ACOXL: variants seen among roughly 807,000 people sequenced by gnomAD.
ACOXL encodes the protein acyl-CoA oxidase like.
In ACOXL, 70 loss-of-function variants were observed where a neutral mutation model predicts 71.9. That is an observed-to-expected ratio of 0.97 (90% confidence interval 0.80 to 1.19). The LOEUF is 1.19. Ranked by LOEUF, ACOXL falls within the 50% of genes most tolerant of loss-of-function variation. The probability of loss-of-function intolerance (pLI) is 0.00; values close to 1 mark genes in which losing one functional copy is unlikely to be tolerated. For synonymous variants in ACOXL, 253 were observed against 281.6 expected (o/e 0.90, Z 1.02); for missense variants, 703 against 736.3 (o/e 0.95, Z 0.52).
chr2:110,874,883 A>G (rs1695713787), intron 10 of ACOXL, among the ~76,000 whole-genome samples: 1 of 152,120 alleles, frequency 6.6e-6, no homozygotes, highest in Admixed American at 6.5e-5. Context: ...TTTATGAAAC[A>G]CGTGCTTCAG....
At chr2:110,898,540 T>A (rs1401778526) in intron 10 of ACOXL, among the ~76,000 whole-genome samples, 1 of 152,200 alleles carries the variant, frequency 6.6e-6, no homozygotes, top group Admixed American at 6.5e-5. Flanking sequence ...AAATTCAGTA[T>A]ACATTCATGT....
intron 16 of ACOXL, among the ~76,000 whole-genome samples, chr2:111,066,544 TAAAA>T (rs986343011): frequency 3.3e-5 from 5 of 152,162 alleles, no homozygotes; most frequent in Non-Finnish European, 7.4e-5. Context: ...CGAAACTGGG[TAAAA>T]GATACCCAAC....
chr2:110,891,830 CAG>C (rs1056728371), intron 10 of ACOXL, among the ~76,000 whole-genome samples: 3 of 151,882 alleles, frequency 2.0e-5, no homozygotes, highest in African/African-American at 7.3e-5. Flanking sequence ...CAGTCCATGA[CAG>C]GGGTGGTACA....
At chr2:111,117,248 A>G (rs1451808262) in intron 17 of ACOXL, among the ~76,000 whole-genome samples, 2 of 152,158 alleles carry the variant, frequency 1.3e-5, no homozygotes, top group Non-Finnish European at 2.9e-5. Context: ...AGGGGAGGCA[A>G]AGAGAGAGGA....
chr2:110,781,258 T>G (rs1422817767), intron 2 of ACOXL, among the ~76,000 whole-genome samples: 2 of 152,138 alleles, frequency 1.3e-5, no homozygotes, highest in African/African-American at 4.8e-5. Flanking sequence ...TCATGGTGCC[T>G]GATATTTGGG....
chr2:110,932,876 A>G (rs1431633036), intron 11 of ACOXL, among the ~76,000 whole-genome samples: 1 of 152,168 alleles, frequency 6.6e-6, no homozygotes, highest in African/African-American at 2.4e-5. Flanking sequence ...GTGGAGACTC[A>G]TGGTTGCACG....
chr2:110,889,010 T>A (rs1464587912), intron 10 of ACOXL, among the ~76,000 whole-genome samples: 2 of 152,220 alleles, frequency 1.3e-5, no homozygotes, highest in East Asian at 3.8e-4. Flanking sequence ...GTTCAAGAAA[T>A]TAGTTTAATA....
intron 10 of ACOXL, among the ~76,000 whole-genome samples, chr2:110,851,195 G>A (rs1045327028): frequency 1.3e-5 from 2 of 152,172 alleles, no homozygotes; most frequent in African/African-American, 4.8e-5. Context: ...TGACACGACT[G>A]TATATATTTT....
chr2:110,854,374 C>A (rs2148946198), intron 10 of ACOXL, among the ~76,000 whole-genome samples: 1 of 152,284 alleles, frequency 6.6e-6, no homozygotes, highest in East Asian at 1.9e-4. Context: ...GGAGGTTCCA[C>A]ACCAGGTGGA....
intron 14 of ACOXL, among the ~76,000 whole-genome samples, chr2:110,999,553 T>G (rs769327385): frequency 3.3e-5 from 5 of 152,164 alleles, no homozygotes; most frequent in Admixed American, 6.5e-5. Flanking sequence ...CTCCTGATAG[T>G]CACAGCCTTG....
chr2:110,886,654 C>A, intron 10 of ACOXL: 1 of 1,230,782 alleles, frequency 8.1e-7, no homozygotes, highest in Non-Finnish European at 1.1e-6. Flanking sequence ...GCTGGGATTA[C>A]AGGCTTGAGC....
chr2:110,820,367 A>G (rs1158689221), intron 9 of ACOXL, among the ~76,000 whole-genome samples: 2 of 152,194 alleles, frequency 1.3e-5, no homozygotes, highest in African/African-American at 4.8e-5. Flanking sequence ...GACATTAAAC[A>G]TAGGTGGAGA....
chr2:111,039,981 C>G (rs1215309937), intron 15 of ACOXL, among the ~76,000 whole-genome samples: 3 of 152,224 alleles, frequency 2.0e-5, no homozygotes, highest in Non-Finnish European at 4.4e-5. Flanking sequence ...ATCAGAGTTC[C>G]TTGCCTTGTG....
intron 11 of ACOXL, among the ~76,000 whole-genome samples, chr2:110,916,407 A>G (rs1236111932): frequency 6.6e-6 from 1 of 152,166 alleles, no homozygotes; most frequent in Non-Finnish European, 1.5e-5. Flanking sequence ...ACACAGCTAT[A>G]GCAATGTTTA....
chr2:111,085,386 A>G (rs1345681064), intron 16 of ACOXL, among the ~76,000 whole-genome samples: 2 of 152,214 alleles, frequency 1.3e-5, no homozygotes, highest in Non-Finnish European at 2.9e-5. Flanking sequence ...ATGCTCTTGG[A>G]CCACAGAGCA....
At chr2:110,955,700 C>T (rs551135841) in intron 12 of ACOXL, among the ~76,000 whole-genome samples, 1 of 152,180 alleles carries the variant, frequency 6.6e-6, no homozygotes, top group Admixed American at 6.5e-5. Context: ...TTTCCAGGCC[C>T]TGGACATTCT....
chr2:110,754,247 A>G (rs1679380906), intron 1 of ACOXL, among the ~76,000 whole-genome samples: 1 of 151,540 alleles, frequency 6.6e-6, no homozygotes, highest in African/African-American at 2.4e-5. Context: ...CCATTTTTAA[A>G]TTTTTTGTAG....
At chr2:110,867,876 C>T (rs1405119186) in intron 10 of ACOXL, among the ~76,000 whole-genome samples, 1 of 152,132 alleles carries the variant, frequency 6.6e-6, no homozygotes, top group Admixed American at 6.5e-5. Flanking sequence ...CATTCTCCTA[C>T]CTCAGCCTCC....
At chr2:110,944,139 C>A (rs1292210029) in intron 12 of ACOXL, among the ~76,000 whole-genome samples, 1 of 152,210 alleles carries the variant, frequency 6.6e-6, no homozygotes, top group Admixed American at 6.5e-5. Flanking sequence ...CTTACTGCAA[C>A]CTCCACTTCC....
Sources: allele counts gnomAD v4.1 joint callset (sites outside exome capture counted in the v4.1 genomes callset), GRCh38; gene constraint gnomAD v4.1.1; transcripts MANE v1.5; gene names NCBI Gene and HGNC (gene_info 2026-07-23, HGNC 2026-07-21).